NIM1K: variants seen among roughly 807,000 people sequenced by gnomAD.
The protein encoded by NIM1K is serine/threonine-protein kinase NIM1.
A neutral mutation model predicts 37.1 loss-of-function variants in NIM1K; 35 were observed. The observed-to-expected ratio is 0.94, with a 90% CI of 0.72 to 1.25. The LOEUF (loss-of-function observed/expected upper bound fraction) is 1.25, where lower values mean the gene tolerates loss of function less well. Among genes scored for constraint, NIM1K ranks in the 50% most tolerant of loss-of-function variants. The pLI, the probability that NIM1K is intolerant of heterozygous loss-of-function variation, is 0.00. For missense variants in NIM1K, 564 were observed against 548.0 expected, an observed-to-expected ratio of 1.03 and a Z score of -0.29; for synonymous variants, 234 against 206.6, an observed-to-expected ratio of 1.13 and a Z score of -1.14.
chr5:43,256,581 C>A (rs1189596545), intron 2 of NIM1K, among the ~76,000 whole-genome samples: 3 of 152,132 alleles, frequency 2.0e-5, no homozygotes, highest in East Asian at 1.9e-4. Context: ...CTCCCCCATT[C>A]CCCCTTGGGC....
intron 1 of NIM1K, among the ~76,000 whole-genome samples, chr5:43,198,838 C>T (rs1054809860): frequency 2.0e-5 from 3 of 152,076 alleles, no homozygotes; most frequent in African/African-American, 4.8e-5. Context: ...GTTTCTTCAT[C>T]TGAAAAATGA....
At chr5:43,208,601 CAAAAAAAAGAA>C (rs1459344050) in intron 1 of NIM1K, among the ~76,000 whole-genome samples, 6 of 140,142 alleles carry the variant, frequency 4.3e-5, no homozygotes, top group East Asian at 4.1e-4. Flanking sequence ...GACTCTGTCT[CAAAAAAAAGAA>C]AAAAAAAAGA....
intron 2 of NIM1K, among the ~76,000 whole-genome samples, chr5:43,269,504 C>G (rs890126486): frequency 1.3e-5 from 2 of 151,988 alleles, no homozygotes; most frequent in Non-Finnish European, 2.9e-5. Context: ...TTCAGTGGAG[C>G]ATTTATGCCA....
rs183027495 is a variant in NIM1K, at chr5:43,237,951, G to A, written c.-694-7131G>A. 6.6e-3 allele frequency among the ~76,000 whole-genome samples: 998 copies of A among 151,444 alleles called. 5 individuals carry two copies. The highest frequency in any genetic ancestry group is 0.034 in the Middle Eastern group (10 of 294). On this transcript the variant is annotated intron_variant, in intron 1 of 3. Coordinates refer to ENST00000326035, the MANE Select transcript of NIM1K (RefSeq NM_153361.4). ...TAACGGGAAATTCTAATAATTAGAT[G>A]TTGGACTTTCTGAATTGATTACCCA...
intron 1 of NIM1K, among the ~76,000 whole-genome samples, chr5:43,235,929 C>T (rs762658642): frequency 8.9e-4 from 135 of 151,692 alleles, no homozygotes; most frequent in Non-Finnish European, 1.7e-3. Context: ...TCCAGCCTGA[C>T]ACTTCAGTTT....
At chr5:43,223,615 A>G (rs567428890) in intron 1 of NIM1K, among the ~76,000 whole-genome samples, 15 of 152,320 alleles carry the variant, frequency 9.8e-5, no homozygotes, top group African/African-American at 2.9e-4. Flanking sequence ...CTCTCTTCTT[A>G]TTAATGTTAC....
intron 1 of NIM1K, chr5:43,225,954 A>G (rs1052096474): frequency 6.6e-6 from 1 of 152,280 alleles, no homozygotes; most frequent in Non-Finnish European, 1.5e-5. Flanking sequence ...AGAGAACTCT[A>G]CATGGTTTAT....
At chr5:43,239,770 A>C (rs939208374) in intron 1 of NIM1K, among the ~76,000 whole-genome samples, 1 of 152,060 alleles carries the variant, frequency 6.6e-6, no homozygotes, top group African/African-American at 2.4e-5. Flanking sequence ...CAGGTGATGC[A>C]GCATGCCTGG....
intron 1 of NIM1K, among the ~76,000 whole-genome samples, chr5:43,219,177 C>T (rs1425873580): frequency 6.6e-6 from 1 of 152,102 alleles, no homozygotes; most frequent in Non-Finnish European, 1.5e-5. Context: ...ATTATTAAAC[C>T]TCTTTCCTTT....
chr5:43,198,079 TTC>T, intron 1 of NIM1K, among the ~76,000 whole-genome samples: 1 of 152,170 alleles, frequency 6.6e-6, no homozygotes. Context: ...TTCTTTTCTT[TTC>T]TTTTTTCCGA....
At chr5:43,224,150 C>G (rs144989093) in intron 1 of NIM1K, among the ~76,000 whole-genome samples, 181 of 151,988 alleles carry the variant, frequency 1.2e-3, no homozygotes, top group African/African-American at 4.1e-3. Context: ...CTATCCTCCC[C>G]CCTCTTGCCT....
intron 2 of NIM1K, among the ~76,000 whole-genome samples, chr5:43,269,508 T>G (rs1188586200): frequency 6.6e-6 from 1 of 152,134 alleles, no homozygotes; most frequent in Non-Finnish European, 1.5e-5. Context: ...GTGGAGCATT[T>G]ATGCCATTTA....
intron 1 of NIM1K, among the ~76,000 whole-genome samples, chr5:43,198,162 T>C (rs1363998371): frequency 2.0e-5 from 1 of 50,990 alleles, no homozygotes; most frequent in African/African-American, 7.1e-5. Flanking sequence ...TTTCTTTCTT[T>C]CTTTCTTTCT....
intron 1 of NIM1K, among the ~76,000 whole-genome samples, chr5:43,201,535 G>T (rs1006271937): frequency 2.0e-5 from 3 of 152,162 alleles, no homozygotes; most frequent in Non-Finnish European, 4.4e-5. Context: ...ACAATGCTAA[G>T]ATATGATTGG....
intron 2 of NIM1K, among the ~76,000 whole-genome samples, chr5:43,247,421 C>T (rs930938584): frequency 1.3e-5 from 2 of 152,216 alleles, no homozygotes; most frequent in Admixed American, 1.3e-4. Context: ...TGCCTTGCCT[C>T]TGTGCAACCA....
chr5:43,253,934 T>C (rs1579981343), intron 2 of NIM1K, among the ~76,000 whole-genome samples: 1 of 152,308 alleles, frequency 6.6e-6, no homozygotes, highest in East Asian at 1.9e-4. Flanking sequence ...GTGCTGGGAT[T>C]ACAGGCATGA....
intron 1 of NIM1K, among the ~76,000 whole-genome samples, chr5:43,208,323 G>A (rs1211829588): frequency 6.6e-6 from 1 of 152,138 alleles, no homozygotes; most frequent in Non-Finnish European, 1.5e-5. Context: ...AAGCAAGTGT[G>A]GTTGTGTGCA....
chr5:43,269,866 C>T (rs924824283), intron 2 of NIM1K, among the ~76,000 whole-genome samples: 2 of 152,120 alleles, frequency 1.3e-5, no homozygotes, highest in Non-Finnish European at 2.9e-5. Context: ...GATCCACCCC[C>T]CTTGGCCTCC....
At chr5:43,220,573 G>A (rs921119843) in intron 1 of NIM1K, among the ~76,000 whole-genome samples, 3 of 152,080 alleles carry the variant, frequency 2.0e-5, no homozygotes, top group Admixed American at 6.6e-5. Flanking sequence ...GAGCTACTGC[G>A]CCTGGCCCAC....
Sources: gnomAD v4.1 joint callset for allele counts (sites outside exome capture counted in the v4.1 genomes callset) on GRCh38, gnomAD v4.1.1 for gene constraint, MANE v1.5 for transcripts, NCBI Gene and HGNC (gene_info 2026-07-23, HGNC 2026-07-21) for gene names.